ANKHD1: variants seen among roughly 807,000 people sequenced by gnomAD.
ANKHD1 encodes the protein ankyrin repeat and KH domain-containing protein 1.
In ANKHD1, 31 loss-of-function variants were observed where a neutral mutation model predicts 230.5. The ratio of observed to expected loss-of-function variants is 0.13; its 90% CI spans 0.10 to 0.18. The LOEUF (loss-of-function observed/expected upper bound fraction) is 0.18. ANKHD1 is among the 10% of genes least tolerant of loss of function. The pLI, the probability that ANKHD1 is intolerant of heterozygous loss-of-function variation, is 1.00. For synonymous variants in ANKHD1, 1,074 were observed against 1,117.6 expected (o/e 0.96, Z 0.78); for missense variants, 2,256 against 3,071.3 (o/e 0.73, Z 6.27).
At chr5:140,505,697 G>A (rs752126163) in intron 17 of ANKHD1, 27 bp from the exon 18 acceptor site, 11 of 1,570,744 alleles carry the variant, frequency 7.0e-6, no homozygotes, top group Non-Finnish European at 6.9e-6. Flanking sequence ...ACATAAATTT[G>A]TTTAAGATTT....
chr5:140,508,111 C>A, intron 20 of ANKHD1, 113 bp downstream of exon 20: 1 of 1,350,086 alleles, frequency 7.4e-7, no homozygotes, highest in Non-Finnish European at 9.8e-7. Context: ...AAACTGATAC[C>A]AATGCAGAGT....
chr5:140,472,528 A>C (rs930920285), intron 10 of ANKHD1: 2 of 1,115,286 alleles, frequency 1.8e-6, no homozygotes, highest in East Asian at 3.5e-5. Flanking sequence ...AAAATCTCTT[A>C]GGTGAAAATA....
chr5:140,502,302 A>C (rs557579914), intron 15 of ANKHD1, among the ~76,000 whole-genome samples: 76 of 152,272 alleles, frequency 5.0e-4, no homozygotes, highest in Admixed American at 7.8e-4. Flanking sequence ...TTGCTATGGA[A>C]TGTTTCTGAC....
At position 140,436,277 on chromosome 5, in the gene ANKHD1, A is replaced by G. The variant is rs1256356269; in HGVS notation, c.460+20A>G. 8 of 1,517,038 alleles carry G rather than the reference A, an allele frequency of 5.3e-6. No homozygotes were observed. The highest frequency in any genetic ancestry group is 2.3e-5 in the Admixed American group (1 of 44,272). The allele number at this position is 1,517,038 out of a possible 1,614,324, so 94.0% of individuals were successfully genotyped here. A position where few individuals can be genotyped will look rare whatever the true frequency, so the allele number is the denominator to read the frequency against. On this transcript the variant is annotated intron_variant, in intron 2 of 33. Coordinates refer to ENST00000360839, the MANE Select transcript of ANKHD1 (RefSeq NM_017747.3). ...CAGCAGGTACTTTATTTTTTGTTTTATCTTTTTCATATCTTTAAAAGTCTA... is the reference window on the plus strand; with the variant it reads ...CAGCAGGTACTTTATTTTTTGTTTTGTCTTTTTCATATCTTTAAAAGTCTA...
chr5:140,474,895 ATTACC>A (rs1227957820), intron 10 of ANKHD1, among the ~76,000 whole-genome samples: 1 of 152,118 alleles, frequency 6.6e-6, no homozygotes, highest in African/African-American at 2.4e-5. Context: ...ACTGTTAGTA[ATTACC>A]TTACCTTAAT....
At chr5:140,514,551 T>C (rs6579768) in intron 24 of ANKHD1, among the ~76,000 whole-genome samples, 101,318 of 152,106 alleles carry the variant, frequency 0.67, 34,186 homozygotes, top group East Asian at 0.83. Context: ...ATATTCTTAA[T>C]AATATATGAT....
chr5:140,490,827 G>T (rs1244012372), intron 14 of ANKHD1, among the ~76,000 whole-genome samples: 1 of 151,662 alleles, frequency 6.6e-6, no homozygotes, highest in East Asian at 1.9e-4. Context: ...TACTTCATTG[G>T]ATCTTCCTTC....
chr5:140,425,141 G>A (rs570682190), intron 1 of ANKHD1, among the ~76,000 whole-genome samples: 1 of 152,226 alleles, frequency 6.6e-6, no homozygotes, highest in Non-Finnish European at 1.5e-5. Context: ...TTTTGTGTTC[G>A]AGCAAAGTGG....
At chr5:140,472,329 C>T (rs755218555) in intron 10 of ANKHD1, 71 of 1,610,874 alleles carry the variant, frequency 4.4e-5, no homozygotes, top group Admixed American at 8.4e-5. Context: ...TAAGCTACTA[C>T]GTAAAGAATA....
Position 140,528,033 on chromosome 5 carries a change from A to G in ANKHD1, c.5237+11A>G. The G allele has an allele frequency of 6.2e-7, 1 of 1,613,166 alleles. No homozygotes were observed. Among genetic ancestry groups the G allele is most frequent in the South Asian group, 1.1e-5 (1 of 90,946 alleles). Reference sequence around the variant, plus strand: ...AATGATCACAATAAGGTAATTGTGCAAAATGTATACTGCTAGTTCTGAGTA... The same window carrying G: ...AATGATCACAATAAGGTAATTGTGCGAAATGTATACTGCTAGTTCTGAGTA... On this transcript the variant is annotated intron_variant, in intron 28 of 33. Transcript: ENST00000360839.
At position 140,512,878 on chromosome 5, in the gene ANKHD1, T is replaced by C; in HGVS notation, c.4155T>C (p.Pro1385=). ...TGGTAAAGGAAGTAAATCAGTTCCC[T>C]TCTGATATAGAATGCATGAGATACA... The part of the protein sequence containing the change: ...QYLVKEVNQF[P]SDIECMRYIA... The change falls in exon 23 of 34, where the codon CCT becomes CCC. Residue 1385 remains proline (P), a synonymous_variant. Coordinates refer to ENST00000360839, the MANE Select transcript of ANKHD1 (RefSeq NM_017747.3). The C allele has an allele frequency of 6.2e-7, 1 of 1,602,930 alleles. No homozygotes were observed. The highest frequency in any genetic ancestry group is 8.5e-7 in the Non-Finnish European group (1 of 1,176,364).
At chr5:140,530,898 G>A (rs182115809) in intron 29 of ANKHD1, among the ~76,000 whole-genome samples, 48 of 152,346 alleles carry the variant, frequency 3.2e-4, no homozygotes, top group African/African-American at 5.8e-4. Context: ...TGAATATGGC[G>A]TAGCCCTAGC....
chr5:140,535,070 T>C (rs1332305207), intron 29 of ANKHD1, among the ~76,000 whole-genome samples: 1 of 152,210 alleles, frequency 6.6e-6, no homozygotes, highest in Non-Finnish European at 1.5e-5. Flanking sequence ...GCTTTGAGAT[T>C]CATCTAGAAC....
intron 1 of ANKHD1, among the ~76,000 whole-genome samples, chr5:140,434,756 T>A (rs1444167625): frequency 6.6e-6 from 1 of 152,108 alleles, no homozygotes; most frequent in Non-Finnish European, 1.5e-5. Context: ...TGCATGGTAG[T>A]CCATCATGTA....
chr5:140,526,320 G>A lies in ANKHD1; in HGVS notation c.4817G>A (p.Ser1606Asn). The A allele has an allele frequency of 6.2e-7, 1 of 1,614,194 alleles. No individual in the cohort carries two copies. The highest frequency in any genetic ancestry group is 8.5e-7 in the Non-Finnish European group (1 of 1,180,038). The part of the protein sequence containing the change: ...LDSTDCNSES[S>N]SGGKSQELNF... Reference sequence around the variant, plus strand: ...AGCACAGACTGCAACAGTGAGAGTAGCAGTGGTGGTAAAAGCCAAGAGTTA... The same window carrying A: ...AGCACAGACTGCAACAGTGAGAGTAACAGTGGTGGTAAAAGCCAAGAGTTA... Residue 1606 changes from serine (S) to asparagine (N), a missense_variant, in exon 26 of 34, where the codon AGC (serine) becomes AAC (asparagine). Coordinates refer to ENST00000360839, the MANE Select transcript of ANKHD1 (RefSeq NM_017747.3).
chr5:140,416,320 G>A (rs1461166200), intron 1 of ANKHD1, among the ~76,000 whole-genome samples: 1 of 152,212 alleles, frequency 6.6e-6, no homozygotes, highest in Non-Finnish European at 1.5e-5. Flanking sequence ...GGATGGCTGG[G>A]TCAAATGGTA....
intron 1 of ANKHD1, among the ~76,000 whole-genome samples, chr5:140,433,899 T>C (rs1773251242): frequency 1.3e-5 from 2 of 152,234 alleles, no homozygotes; most frequent in South Asian, 4.1e-4. Flanking sequence ...TTCTTGGCCT[T>C]ACATTAAGCT....
Position 140,402,066 on chromosome 5 carries a change from G to T in ANKHD1, c.99G>T (p.Pro33=), listed in dbSNP as rs555470328. 7 of 1,491,338 alleles carry T rather than the reference G, an allele frequency of 4.7e-6. No individual in the cohort carries two copies. The highest frequency in any genetic ancestry group is 6.2e-6 in the Non-Finnish European group (7 of 1,125,382). The allele number at this position is 1,491,338 out of a possible 1,614,324, so 92.4% of individuals were successfully genotyped here. A position where few individuals can be genotyped will look rare whatever the true frequency, so the allele number is the denominator to read the frequency against. ...SAPAGASEPP[P]PGGVGLGIRT... ...CAGCTGGGGCCTCGGAGCCGCCTCC[G>T]CCGGGAGGGGTCGGTCTGGGGATCC... Residue 33 remains proline (P), a synonymous_variant, in exon 1 of 34, where the codon CCG becomes CCT. Coordinates refer to ENST00000360839, the MANE Select transcript of ANKHD1 (RefSeq NM_017747.3).
chr5:140,433,804 ATAAT>A (rs1773242155), intron 1 of ANKHD1, among the ~76,000 whole-genome samples: 1 of 152,062 alleles, frequency 6.6e-6, no homozygotes, highest in Admixed American at 6.5e-5. Context: ...TTTTAAATAA[ATAAT>A]TTTATAATTT....
Sources: allele counts gnomAD v4.1 joint callset (sites outside exome capture counted in the v4.1 genomes callset), GRCh38; gene constraint gnomAD v4.1.1; transcripts MANE v1.5; gene names NCBI Gene and HGNC (gene_info 2026-07-23, HGNC 2026-07-21).